The following MARCHF6 variants were observed in gnomAD, a reference collection of about 807,000 sequenced individuals.
The protein encoded by MARCHF6 is membrane associated ring-CH-type finger 6.
In MARCHF6, 31 loss-of-function variants were observed where a neutral mutation model predicts 133.7. The ratio of observed to expected loss-of-function variants is 0.23; its 90% confidence interval spans 0.17 to 0.31. The LOEUF (loss-of-function observed/expected upper bound fraction) is 0.31, where lower values mean the gene tolerates loss of function less well. Ranked by LOEUF, MARCHF6 falls within the 10% of genes least tolerant of loss-of-function variation. The pLI is 1.00. For missense variants in MARCHF6, 723 were observed against 1,121.6 expected (o/e 0.64, Z 5.08); for synonymous variants, 395 against 402.5 (o/e 0.98, Z 0.22).
intron 21 of MARCHF6, among the ~76,000 whole-genome samples, chr5:10,416,159 C>T (rs904421338): frequency 5.3e-5 from 8 of 152,232 alleles, no homozygotes; most frequent in African/African-American, 1.7e-4. Context: ...CTCTCAGTAA[C>T]ACATATGACT....
intron 1 of MARCHF6, among the ~76,000 whole-genome samples, chr5:10,359,623 C>T (rs1735689496): frequency 1.3e-5 from 2 of 152,012 alleles, no homozygotes; most frequent in Admixed American, 6.6e-5. Flanking sequence ...AAGAAATCCG[C>T]GTATAAGTGG....
At chr5:10,381,968 A>G in intron 4 of MARCHF6, 25 bp downstream of exon 4, 1 of 1,603,972 alleles carries the variant, frequency 6.2e-7, no homozygotes, top group Non-Finnish European at 8.5e-7. Flanking sequence ...CTCTGATTGG[A>G]GTTATTTAAA....
chr5:10,426,317 G>T, intron 23 of MARCHF6, 73 bp from the exon 24 acceptor site: 2 of 1,535,192 alleles, frequency 1.3e-6, no homozygotes, highest in Non-Finnish European at 1.8e-6. Context: ...ATTCAGTTGT[G>T]TGGAGATTGC....
chr5:10,409,663 G>T (rs1229896288), intron 17 of MARCHF6, among the ~76,000 whole-genome samples: 19 of 152,310 alleles, frequency 1.2e-4, no homozygotes. Context: ...TCTGACTGCT[G>T]TGATGAGAGG....
At chr5:10,379,753 G>C (rs1031553718) in intron 3 of MARCHF6, among the ~76,000 whole-genome samples, 1 of 151,960 alleles carries the variant, frequency 6.6e-6, no homozygotes, top group African/African-American at 2.4e-5. Context: ...GAGCCACCGC[G>C]CCCAGCAAGC....
chr5:10,437,681 C>G lies in MARCHF6; in HGVS notation c.*3997C>G, dbSNP rs902845906. 6.6e-6 allele frequency: 1 copy of G among 152,152 alleles called. No individual in the cohort carries two copies. The highest frequency in any genetic ancestry group is 6.5e-5 in the Admixed American group (1 of 15,284). 9.4% of individuals were successfully genotyped at this position (152,152 alleles called of 1,614,324 possible). The stretch of plus-strand genomic sequence containing the variant: ...GGTCTAGGAATAACTATTGTAGAAG[C>G]TAAGTAGAACACTTAGTTTGGGGTG... On this transcript the variant is annotated 3_prime_UTR_variant, in exon 26 of 26. Transcript: ENST00000274140.
At chr5:10,389,303 A>G (rs1387315705) in intron 5 of MARCHF6, among the ~76,000 whole-genome samples, 1 of 152,216 alleles carries the variant, frequency 6.6e-6, no homozygotes, top group Non-Finnish European at 1.5e-5. Flanking sequence ...TTGTATGATT[A>G]CTAAAGGAAC....
At chr5:10,415,452 G>A in intron 20 of MARCHF6, 36 bp from the exon 21 acceptor site, 1 of 1,576,262 alleles carries the variant, frequency 6.3e-7, no homozygotes, top group Non-Finnish European at 8.7e-7. Flanking sequence ...TCTTTACCTA[G>A]CCACATGTCT....
intron 22 of MARCHF6, 82 bp from the exon 23 acceptor site, chr5:10,423,653 T>C (rs982410798): frequency 5.8e-6 from 5 of 861,932 alleles, no homozygotes; most frequent in African/African-American, 3.5e-5. Flanking sequence ...TGTGAAATAA[T>C]GTAAGAAAAT....
rs563629312 is a variant in MARCHF6 at position 10,426,526 on chromosome 5, C to T, written c.2506+4C>T. The T allele has an allele frequency of 3.2e-4, 511 of 1,613,406 alleles. 4 individuals are homozygous for T. In the South Asian group the frequency reaches 4.8e-3, roughly 15 times the overall value. ...TCTGGTGTTGTTCCTTTACTAGGTA[C>T]GTAATGCTGGTTGTGGAGCCTTGAA... On this transcript the variant is annotated splice_donor_region_variant and intron_variant, in intron 24 of 25. Coordinates refer to ENST00000274140, the MANE Select transcript of MARCHF6 (RefSeq NM_005885.4).
chr5:10,397,496 T>C (rs1561127377), intron 10 of MARCHF6, 152 bp downstream of exon 10: 3 of 535,914 alleles, frequency 5.6e-6, no homozygotes, highest in Non-Finnish European at 9.4e-6. Flanking sequence ...CCTGTATAGA[T>C]AGGCCCCAGA....
chr5:10,415,485 C>T lies in MARCHF6; in HGVS notation c.1967-3C>T. 6.2e-7 allele frequency: 1 copy of T among 1,606,086 alleles called. No homozygotes were observed. The highest frequency in any genetic ancestry group is 1.7e-5 in the Admixed American group (1 of 59,764). Reference sequence around the variant, plus strand: ...TCTCATTTATCAGCTTTTCTATTTTCAGTATTTGCTGGCCGTTGGTTAATG... The same window carrying T: ...TCTCATTTATCAGCTTTTCTATTTTTAGTATTTGCTGGCCGTTGGTTAATG... On this transcript the variant is annotated splice_polypyrimidine_tract_variant and splice_region_variant and intron_variant, in intron 20 of 25. Coordinates refer to ENST00000274140, the MANE Select transcript of MARCHF6 (RefSeq NM_005885.4).
intron 3 of MARCHF6, among the ~76,000 whole-genome samples, chr5:10,381,215 T>C (rs1343113348): frequency 6.6e-6 from 1 of 152,228 alleles, no homozygotes; most frequent in Non-Finnish European, 1.5e-5. Flanking sequence ...TTTTTCTGAA[T>C]GTGTTGAGCC....
chr5:10,373,614 C>T (rs144085625), intron 1 of MARCHF6, among the ~76,000 whole-genome samples: 1 of 152,178 alleles, frequency 6.6e-6, no homozygotes, highest in South Asian at 2.1e-4. Flanking sequence ...CTTTGCCATA[C>T]CCCAGGCCAT....
chr5:10,378,672 C>A, intron 2 of MARCHF6, 87 bp from the exon 3 acceptor site: 1 of 854,526 alleles, frequency 1.2e-6, no homozygotes, highest in Non-Finnish European at 1.9e-6. Context: ...GTGATATATA[C>A]ATTTTTAATA....
chr5:10,403,568 T>C lies in MARCHF6; in HGVS notation c.1332+27T>C, dbSNP rs746294724. 3 of 1,577,520 alleles carry C rather than the reference T, an allele frequency of 1.9e-6. No individual in the cohort carries two copies. In the South Asian group the frequency reaches 3.5e-5, roughly 18 times the overall value. ...TAAGTCCACAGGGAAATGCTGATGC[T>C]GTACATTTATAAAAAGGACTTTTGC... On this transcript the variant is annotated intron_variant, in intron 15 of 25. Transcript: ENST00000274140.
At chr5:10,372,000 C>T (rs1399639215) in intron 1 of MARCHF6, among the ~76,000 whole-genome samples, 1 of 151,470 alleles carries the variant, frequency 6.6e-6, no homozygotes, top group Non-Finnish European at 1.5e-5. Context: ...TGGTGTGCTC[C>T]TGTAATGCCC....
At chr5:10,357,213 CTTTT>C (rs35082316) in intron 1 of MARCHF6, among the ~76,000 whole-genome samples, 47 of 144,734 alleles carry the variant, frequency 3.2e-4, no homozygotes, top group African/African-American at 7.8e-4. Flanking sequence ...CAAGGATATA[CTTTT>C]TTTTTTTTTT....
intron 1 of MARCHF6, among the ~76,000 whole-genome samples, chr5:10,360,504 A>G (rs1561093255): frequency 6.6e-6 from 1 of 152,100 alleles, no homozygotes; most frequent in Non-Finnish European, 1.5e-5. Context: ...ACTCCTGTAT[A>G]TGGAAGGATG....
Sources: gnomAD v4.1 joint callset for allele counts (sites outside exome capture counted in the v4.1 genomes callset) on GRCh38, gnomAD v4.1.1 for gene constraint, MANE v1.5 for transcripts, NCBI Gene and HGNC (gene_info 2026-07-23, HGNC 2026-07-21) for gene names.